OSBPL8: variants seen among roughly 807,000 people sequenced by gnomAD.
The protein encoded by OSBPL8 is oxysterol binding protein like 8, also known as oxysterol-binding protein-related protein 8.
A neutral mutation model predicts 125.5 loss-of-function variants in OSBPL8; 59 were observed. That is an observed-to-expected ratio of 0.47 (90% CI 0.38 to 0.58). The LOEUF is 0.58. Among genes scored for constraint, OSBPL8 ranks in the 20% least tolerant of loss-of-function variants. The probability of loss-of-function intolerance (pLI) is 0.00; values close to 1 mark genes in which losing one functional copy is unlikely to be tolerated. For missense variants in OSBPL8, 758 were observed against 1,047.8 expected, an observed-to-expected ratio of 0.72 and a Z score of 3.82; for synonymous variants, 330 against 338.9, an observed-to-expected ratio of 0.97 and a Z score of 0.29.
chr12:76,389,756 A>G lies in OSBPL8; in HGVS notation c.1241T>C (p.Val414Ala), dbSNP rs1953479990. The G allele has an allele frequency of 6.2e-7, 1 of 1,603,948 alleles. No individual in the cohort carries two copies. Among genetic ancestry groups the G allele is most frequent in the African/African-American group, 1.3e-5 (1 of 74,648 alleles). The change falls in exon 12 of 24, where the codon GTC becomes GCC. Residue 414 changes from valine (V) to alanine (A), a missense_variant. Transcript: ENST00000261183. ...KSLIWTLLKQVRPGMDLSKVV... is the reference protein window; with the variant it reads ...KSLIWTLLKQARPGMDLSKVV... ...CTTGGATAGGTCCATGCCAGGACGG[A>G]CTTGTTTCAATAGTGTCCAGATAAG... is the stretch of plus-strand genomic sequence containing the variant.
At position 76,354,934 on chromosome 12, in the gene OSBPL8, TA is replaced by T. The variant is rs1011197321; in HGVS notation, c.*954del. 4 of 152,086 alleles carry T rather than the reference TA, an allele frequency of 2.6e-5. No homozygotes were observed. The highest frequency in any genetic ancestry group is 2.1e-4 in the South Asian group (1 of 4,836). 9.4% of individuals were successfully genotyped at this position (152,086 alleles called of 1,614,324 possible). On this transcript the variant is annotated 3_prime_UTR_variant, in exon 24 of 24. Coordinates refer to ENST00000261183, the MANE Select transcript of OSBPL8 (RefSeq NM_020841.5). ...GGCTTTTGAAGTAAAATACTGGTTA[TA>T]TTTTTTTATATTCTACTTATTCACT...
intron 1 of OSBPL8, among the ~76,000 whole-genome samples, chr12:76,514,302 G>A (rs983069972): frequency 1.4e-5 from 2 of 146,520 alleles, no homozygotes; most frequent in South Asian, 4.3e-4. Flanking sequence ...CTGCCACCAC[G>A]CCCAGCTAAT....
rs141631711 is a variant in OSBPL8, at chr12:76,360,371, T to G, written c.2329-1560A>C. ...AGATCATGCTGATGCAAGAGGTAGG[T>G]TCCCATAGTCTTGGGCAGCTCCACC... On this transcript the variant is annotated intron_variant, in intron 21 of 23. Coordinates refer to ENST00000261183, the MANE Select transcript of OSBPL8 (RefSeq NM_020841.5). Among the ~76,000 whole-genome samples, 956 of 152,352 alleles carry G rather than the reference T, an allele frequency of 6.3e-3. 5 individuals are homozygous for G. The highest frequency in any genetic ancestry group is 0.01 in the Admixed American group (156 of 15,308).
intron 21 of OSBPL8, among the ~76,000 whole-genome samples, chr12:76,362,213 A>C (rs1467339208): frequency 6.6e-6 from 1 of 152,298 alleles, no homozygotes. Flanking sequence ...CTTATTTAAA[A>C]TAACAAGGCA....
chr12:76,435,142 G>T (rs1871291700), intron 4 of OSBPL8, among the ~76,000 whole-genome samples: 1 of 147,286 alleles, frequency 6.8e-6, no homozygotes, highest in African/African-American at 2.6e-5. Context: ...TGAGGTGTTT[G>T]TGTATATATC....
At chr12:76,444,561 G>A (rs1592694116) in intron 4 of OSBPL8, among the ~76,000 whole-genome samples, 1 of 152,154 alleles carries the variant, frequency 6.6e-6, no homozygotes, top group African/African-American at 2.4e-5. Flanking sequence ...CTATCTAGCT[G>A]GGTCCACGAT....
At chr12:76,550,924 A>G (rs929016585) in intron 1 of OSBPL8, among the ~76,000 whole-genome samples, 9 of 152,294 alleles carry the variant, frequency 5.9e-5, no homozygotes, top group African/African-American at 2.2e-4. Flanking sequence ...AAAAAAATAA[A>G]GTAGCCAGCC....
chr12:76,367,813 A>G (rs1952477954), intron 21 of OSBPL8, among the ~76,000 whole-genome samples: 1 of 152,208 alleles, frequency 6.6e-6, no homozygotes, highest in South Asian at 2.1e-4. Context: ...CTTCAGTAGT[A>G]CATAAAAACT....
At chr12:76,498,893 T>G (rs1879570136) in intron 1 of OSBPL8, among the ~76,000 whole-genome samples, 1 of 152,172 alleles carries the variant, frequency 6.6e-6, no homozygotes, top group East Asian at 1.9e-4. Flanking sequence ...CTACGTTTAT[T>G]GTTTTTTGTC....
Position 76,385,598 on chromosome 12 carries a change from G to A in OSBPL8, c.1533+570C>T, listed in dbSNP as rs114548895. ...AGTTTGAGAAGGGAAAAATCACTGG[G>A]AGCTGCAGTCATGTGCATCATGAAG... On this transcript the variant is annotated intron_variant, in intron 14 of 23. Transcript: ENST00000261183. Among the ~76,000 whole-genome samples the A allele has an allele frequency of 2.9e-3, 443 of 152,178 alleles. 2 individuals carry two copies. Among genetic ancestry groups the A allele is most frequent in the African/African-American group, 0.01 (426 of 41,512 alleles).
At chr12:76,483,308 A>G (rs1177184696) in intron 2 of OSBPL8, among the ~76,000 whole-genome samples, 1 of 151,166 alleles carries the variant, frequency 6.6e-6, no homozygotes, top group Admixed American at 6.6e-5. Flanking sequence ...CATGTCTGTA[A>G]TCCTAGCACT....
At chr12:76,384,399 T>C in intron 14 of OSBPL8, 49 bp from the exon 15 acceptor site, 1 of 1,026,276 alleles carries the variant, frequency 9.7e-7, no homozygotes, top group South Asian at 2.3e-5. Context: ...AAAACATGTT[T>C]ATATAAAATA....
intron 5 of OSBPL8, among the ~76,000 whole-genome samples, chr12:76,409,262 G>A (rs1211046686): frequency 6.6e-6 from 1 of 152,116 alleles, no homozygotes; most frequent in Non-Finnish European, 1.5e-5. Context: ...CCCTGAAGCA[G>A]GTGCTCTACC....
intron 21 of OSBPL8, among the ~76,000 whole-genome samples, chr12:76,361,596 G>A (rs1952209814): frequency 6.6e-6 from 1 of 152,160 alleles, no homozygotes; most frequent in African/African-American, 2.4e-5. Flanking sequence ...AGACATACCC[G>A]AGATGGGAAG....
Position 76,355,869 on chromosome 12 carries a change from G to T in OSBPL8, c.*20C>A, listed in dbSNP as rs760150771. ...CCAAATCAGATCTTTCTAGTTCACT[G>T]ATTCAATGGTAGAGAACTTCTACTT... On this transcript the variant is annotated 3_prime_UTR_variant, in exon 24 of 24. Transcript: ENST00000261183. The T allele has an allele frequency of 2.5e-6, 4 of 1,609,898 alleles. No homozygotes were observed. The highest frequency in any genetic ancestry group is 3.4e-6 in the Non-Finnish European group (4 of 1,178,016).
intron 4 of OSBPL8, among the ~76,000 whole-genome samples, chr12:76,415,700 C>T (rs1020733737): frequency 6.6e-6 from 1 of 152,194 alleles, no homozygotes; most frequent in South Asian, 2.1e-4. Context: ...TATTCTCTTA[C>T]ATGTTTAATA....
intron 1 of OSBPL8, among the ~76,000 whole-genome samples, chr12:76,530,256 C>T (rs1002508189): frequency 7.5e-6 from 1 of 133,110 alleles, no homozygotes; most frequent in South Asian, 2.6e-4. Context: ...AAAAGTCTCA[C>T]TATGTTGCCA....
chr12:76,394,866 T>C (rs751380421), intron 8 of OSBPL8, 137 bp from the exon 9 acceptor site: 48 of 580,052 alleles, frequency 8.3e-5, no homozygotes, highest in Non-Finnish European at 1.2e-4. Context: ...TTTAATTTCA[T>C]CATTCTTGAG....
At chr12:76,520,231 A>G (rs1881940022) in intron 1 of OSBPL8, among the ~76,000 whole-genome samples, 1 of 152,214 alleles carries the variant, frequency 6.6e-6, no homozygotes, top group Non-Finnish European at 1.5e-5. Context: ...TCCTTTAAAA[A>G]ACAAAAAAGA....
Sources: gnomAD v4.1 joint callset for allele counts (sites outside exome capture counted in the v4.1 genomes callset) on GRCh38, gnomAD v4.1.1 for gene constraint, MANE v1.5 for transcripts, NCBI Gene and HGNC (gene_info 2026-07-23, HGNC 2026-07-21) for gene names.